The following NALF1 variants were observed in gnomAD, a reference collection of about 807,000 sequenced individuals.
The protein encoded by NALF1 is family with sequence similarity 155 member A.
NALF1 carries 3 observed loss-of-function variants against 48.4 expected under a neutral mutation model. The ratio of observed to expected loss-of-function variants is 0.06; its 90% CI spans 0.03 to 0.16. The LOEUF (loss-of-function observed/expected upper bound fraction) is 0.16, where lower values mean the gene tolerates loss of function less well. Ranked by LOEUF, NALF1 falls within the 10% of genes least tolerant of loss-of-function variation. The pLI is 1.00. For missense variants in NALF1, 526 were observed against 571.5 expected (o/e 0.92, Z 0.81); for synonymous variants, 262 against 245.7 (o/e 1.07, Z -0.62).
intron 1 of NALF1, among the ~76,000 whole-genome samples, chr13:107,815,087 T>C (rs975114828): frequency 3.9e-5 from 6 of 152,168 alleles, no homozygotes; most frequent in Non-Finnish European, 7.4e-5. Flanking sequence ...TTTGCAATCT[T>C]GGATGAAGCA....
rs1438031130 is a variant in NALF1, at chr13:107,613,403, C to T, written c.915+252279G>A. Among the ~76,000 whole-genome samples the T allele has an allele frequency of 9.8e-5, 15 of 152,290 alleles. No homozygotes were observed. In the East Asian group the frequency reaches 2.9e-3, roughly 29 times the overall value. The stretch of plus-strand genomic sequence containing the variant: ...TCTCTCCAGGCCAACTGGGGAATGC[C>T]TTTCTTGAGGGTGCTGCAGACTGTG... On this transcript the variant is annotated intron_variant, in intron 1 of 2. Transcript: ENST00000375915.
At position 107,866,707 on chromosome 13, in the gene NALF1, T is replaced by G; in HGVS notation, c.-111A>C. The G allele has an allele frequency of 1.2e-6, 1 of 811,190 alleles. No homozygotes were observed. The highest frequency in any genetic ancestry group is 1.9e-6 in the Non-Finnish European group (1 of 518,084). The allele number at this position is 811,190 out of a possible 1,614,324, so 50.2% of individuals were successfully genotyped here. On this transcript the variant is annotated 5_prime_UTR_variant, in exon 1 of 3. Transcript: ENST00000375915. This position sits in a 1 kb window ranked among gnomAD's most constrained non-coding sequence, Gnocchi z 4.4. ...TAATTTCCTTATCCCCTCCTCCCGT[T>G]TCTTCTCTCTCCTCTCTCTCTTTCT... is the stretch of plus-strand genomic sequence containing the variant.
intron 1 of NALF1, among the ~76,000 whole-genome samples, chr13:107,843,439 TC>T (rs1318508900): frequency 6.6e-6 from 1 of 152,142 alleles, no homozygotes; most frequent in Admixed American, 6.5e-5. Context: ...TAAAAGGACC[TC>T]CTCGAATCTC....
At chr13:107,693,360 A>G (rs1178495930) in intron 1 of NALF1, among the ~76,000 whole-genome samples, 1 of 151,740 alleles carries the variant, frequency 6.6e-6, no homozygotes. Flanking sequence ...ATTAGGAGAT[A>G]TACCTAATGT....
chr13:107,213,434 T>C (rs1347828984), intron 1 of NALF1, among the ~76,000 whole-genome samples: 1 of 152,124 alleles, frequency 6.6e-6, no homozygotes, highest in African/African-American at 2.4e-5. Context: ...ATGAGCTACC[T>C]CCTGGGCTTT....
intron 1 of NALF1, among the ~76,000 whole-genome samples, chr13:107,627,618 T>C (rs1264594036): frequency 6.6e-6 from 1 of 152,086 alleles, no homozygotes; most frequent in East Asian, 1.9e-4. Context: ...AAAACGTATA[T>C]TTTAAAGCCC....
chr13:107,257,124 A>G (rs1209146714), intron 1 of NALF1, among the ~76,000 whole-genome samples: 2 of 152,028 alleles, frequency 1.3e-5, no homozygotes, highest in African/African-American at 4.8e-5. Flanking sequence ...CCCTTACAAA[A>G]CCATCAGATT....
intron 1 of NALF1, among the ~76,000 whole-genome samples, chr13:107,343,950 C>T (rs543228548): frequency 2.0e-5 from 3 of 151,176 alleles, no homozygotes; most frequent in African/African-American, 7.3e-5. Flanking sequence ...ATTGACAAAC[C>T]GTTATCTAGA....
intron 1 of NALF1, among the ~76,000 whole-genome samples, chr13:107,376,577 T>G (rs912428629): frequency 1.2e-4 from 19 of 152,128 alleles, no homozygotes; most frequent in African/African-American, 4.1e-4. Context: ...TCTCTGCAAA[T>G]GTAATCTGCC....
At chr13:107,752,083 C>T (rs1876956549) in intron 1 of NALF1, among the ~76,000 whole-genome samples, 1 of 151,834 alleles carries the variant, frequency 6.6e-6, no homozygotes, top group Non-Finnish European at 1.5e-5. Context: ...ACACATGAAA[C>T]AGAAAATATT....
chr13:107,278,766 A>C (rs1321535495), intron 1 of NALF1, among the ~76,000 whole-genome samples: 1 of 152,240 alleles, frequency 6.6e-6, no homozygotes, highest in Non-Finnish European at 1.5e-5. Flanking sequence ...CTAGCTATGA[A>C]GCATAAAAGC....
At chr13:107,213,376 A>C (rs1045070669) in intron 1 of NALF1, among the ~76,000 whole-genome samples, 22 of 152,146 alleles carry the variant, frequency 1.4e-4, no homozygotes, top group East Asian at 1.4e-3. Flanking sequence ...GACCTTATAC[A>C]CTGAGCTATG....
In NALF1 at chr13:107,170,697, C is replaced by T. The variant is rs761413526; in HGVS notation, c.1177G>A (p.Val393Ile). ...CTGTGACAGGAGCCACTTTTCTCTA[C>T]GGTCCCTTTGGATGGGTTATTTGAT... The part of the protein sequence containing the change: ...EKSNNPSKGT[V>I]EKSGSCHRTS... The change falls in exon 3 of 3, where the codon GTA (valine) becomes ATA (isoleucine). Residue 393 changes from valine (V) to isoleucine (I), a missense_variant. Val to Ile is a conservative substitution (Grantham distance 29). Coordinates refer to ENST00000375915, the MANE Select transcript of NALF1 (RefSeq NM_001080396.3). 2 of 1,614,212 alleles carry T rather than the reference C, an allele frequency of 1.2e-6. No homozygotes were observed. The highest frequency in any genetic ancestry group is 2.2e-5 in the East Asian group (1 of 44,886).
At chr13:107,349,046 C>T (rs1334886434) in intron 1 of NALF1, among the ~76,000 whole-genome samples, 3 of 152,206 alleles carry the variant, frequency 2.0e-5, no homozygotes, top group African/African-American at 7.2e-5. Flanking sequence ...GTACTGCACA[C>T]TGTGTGTGGT....
At chr13:107,630,374 C>G (rs2057531) in intron 1 of NALF1, among the ~76,000 whole-genome samples, 87,851 of 151,848 alleles carry the variant, frequency 0.58, 27,890 homozygotes, top group East Asian at 0.99. Context: ...ACTATTTTTT[C>G]TCCCTGAAAT....
At chr13:107,587,772 T>A (rs1878499016) in intron 1 of NALF1, among the ~76,000 whole-genome samples, 1 of 152,096 alleles carries the variant, frequency 6.6e-6, no homozygotes, top group African/African-American at 2.4e-5. Flanking sequence ...TATTTTTTTA[T>A]TAGATTAATT....
chr13:107,559,605 GAAC>G (rs1877585042), intron 1 of NALF1, among the ~76,000 whole-genome samples: 1 of 152,078 alleles, frequency 6.6e-6, no homozygotes, highest in South Asian at 2.1e-4. Flanking sequence ...TTCTGGGGAG[GAAC>G]AACTACTCAT....
At chr13:107,410,918 C>T (rs377044009) in intron 1 of NALF1, among the ~76,000 whole-genome samples, 1 of 152,130 alleles carries the variant, frequency 6.6e-6, no homozygotes, top group African/African-American at 2.4e-5. Flanking sequence ...ATGCCCAGTT[C>T]ACGGGAGTTC....
At chr13:107,409,792 G>T (rs1300200650) in intron 1 of NALF1, among the ~76,000 whole-genome samples, 1 of 152,170 alleles carries the variant, frequency 6.6e-6, no homozygotes, top group African/African-American at 2.4e-5. Flanking sequence ...ATCTGGATCT[G>T]ATAATCTCGA....
Sources: gnomAD v4.1 joint callset for allele counts (sites outside exome capture counted in the v4.1 genomes callset) on GRCh38, gnomAD v4.1.1 for gene constraint, Gnocchi (gnomAD v3.1) non-coding constraint, MANE v1.5 for transcripts, NCBI Gene and HGNC (gene_info 2026-07-23, HGNC 2026-07-21) for gene names.